SLC16A10: variants seen among roughly 807,000 people sequenced by gnomAD.
SLC16A10 encodes solute carrier family 16 member 10.
Under a neutral mutation model 40.0 loss-of-function variants are expected in SLC16A10, and 27 were observed. That is an observed-to-expected ratio of 0.67 (90% CI 0.50 to 0.93). The LOEUF is 0.93. Ranked by LOEUF, SLC16A10 falls within the 40% of genes least tolerant of loss-of-function variation. The pLI is 0.00. For missense variants in SLC16A10, 529 were observed against 658.2 expected, an observed-to-expected ratio of 0.80 and a Z score of 2.15; for synonymous variants, 213 against 249.8, an observed-to-expected ratio of 0.85 and a Z score of 1.39.
intron 4 of SLC16A10, among the ~76,000 whole-genome samples, chr6:111,208,211 T>TC (rs1773286524): frequency 1.3e-5 from 2 of 152,226 alleles, no homozygotes; most frequent in South Asian, 4.1e-4. Context: ...ACTCCTGGAC[T>TC]CCAACGATCC....
chr6:111,102,843 C>T (rs530753290), intron 1 of SLC16A10, among the ~76,000 whole-genome samples: 7 of 152,174 alleles, frequency 4.6e-5, no homozygotes, highest in African/African-American at 9.6e-5. Flanking sequence ...GAGCTAATTC[C>T]GTTGAAAATA....
intron 3 of SLC16A10, among the ~76,000 whole-genome samples, chr6:111,182,343 G>T (rs558987939): frequency 1.0e-5 from 1 of 99,222 alleles, no homozygotes; most frequent in Non-Finnish European, 2.0e-5. Context: ...CCTTTTTAAC[G>T]GCTCCTCTGA....
intron 3 of SLC16A10, among the ~76,000 whole-genome samples, chr6:111,184,484 ATT>A (rs56663468): frequency 2.8e-5 from 4 of 143,238 alleles, no homozygotes; most frequent in Middle Eastern, 3.6e-3. Context: ...ATTGGAAATG[ATT>A]TTTTTTTTTT....
chr6:111,094,725 A>G (rs1771042931), intron 1 of SLC16A10, among the ~76,000 whole-genome samples: 1 of 152,040 alleles, frequency 6.6e-6, no homozygotes, highest in Admixed American at 6.6e-5. Context: ...GCAGCCTCAA[A>G]CTTCTAAGCT....
chr6:111,129,980 T>C (rs1256199531), intron 1 of SLC16A10, among the ~76,000 whole-genome samples: 1 of 152,156 alleles, frequency 6.6e-6, no homozygotes, highest in Admixed American at 6.6e-5. Flanking sequence ...CCTGAGAAAA[T>C]AATTTATACA....
intron 3 of SLC16A10, among the ~76,000 whole-genome samples, chr6:111,203,751 T>TAAATAAAAAAAA (rs1554261471): frequency 1.4e-5 from 2 of 147,778 alleles, no homozygotes; most frequent in Middle Eastern, 3.5e-3. Flanking sequence ...AATAAATAAA[T>TAAATAAAAAAAA]AAAATAATGC....
chr6:111,155,022 CAAAAAA>C (rs397888706), intron 1 of SLC16A10, among the ~76,000 whole-genome samples: 5 of 53,454 alleles, frequency 9.4e-5, no homozygotes, highest in African/African-American at 3.5e-4. Flanking sequence ...GACTCCATCT[CAAAAAA>C]AAAAAAAAAA....
At chr6:111,105,723 T>C (rs1191080206) in intron 1 of SLC16A10, among the ~76,000 whole-genome samples, 1 of 152,210 alleles carries the variant, frequency 6.6e-6, no homozygotes, top group East Asian at 1.9e-4. Flanking sequence ...AGTGAGCAGG[T>C]TGGCACGGTG....
chr6:111,111,619 A>G (rs1583308275), intron 1 of SLC16A10, among the ~76,000 whole-genome samples: 2 of 152,080 alleles, frequency 1.3e-5, no homozygotes, highest in East Asian at 3.8e-4. Flanking sequence ...TTCCTACCTA[A>G]TTGTCGTTAT....
At chr6:111,203,745 A>AATAT in intron 3 of SLC16A10, among the ~76,000 whole-genome samples, 1 of 150,854 alleles carries the variant, frequency 6.6e-6, no homozygotes, top group African/African-American at 2.4e-5. Context: ...TAAATAAATA[A>AATAT]ATAAATAAAA....
intron 1 of SLC16A10, among the ~76,000 whole-genome samples, chr6:111,115,315 G>A (rs373988410): frequency 6.6e-6 from 1 of 152,176 alleles, no homozygotes; most frequent in African/African-American, 2.4e-5. Context: ...TGTTCAAGCA[G>A]TTCTCTGCCT....
At chr6:111,132,300 C>T (rs1384903999) in intron 1 of SLC16A10, among the ~76,000 whole-genome samples, 4 of 152,022 alleles carry the variant, frequency 2.6e-5, no homozygotes, top group Non-Finnish European at 5.9e-5. Context: ...AATAGTGTGC[C>T]CTATTCCTTT....
chr6:111,163,657 A>G (rs1166910094), intron 1 of SLC16A10, among the ~76,000 whole-genome samples: 1 of 152,212 alleles, frequency 6.6e-6, no homozygotes, highest in East Asian at 1.9e-4. Flanking sequence ...AGCCCTCTGT[A>G]GTATTCAAAA....
chr6:111,115,297 G>C (rs547257403), intron 1 of SLC16A10, among the ~76,000 whole-genome samples: 1 of 152,288 alleles, frequency 6.6e-6, no homozygotes, highest in Non-Finnish European at 1.5e-5. Flanking sequence ...TGCAACCTCT[G>C]CCTCCTGTGT....
At chr6:111,110,702 T>C (rs970717830) in intron 1 of SLC16A10, among the ~76,000 whole-genome samples, 1 of 152,154 alleles carries the variant, frequency 6.6e-6, no homozygotes, top group Non-Finnish European at 1.5e-5. Context: ...CCGATGAAGA[T>C]TAGAAACCAT....
chr6:111,192,300 A>T (rs1773007912), intron 3 of SLC16A10, among the ~76,000 whole-genome samples: 1 of 152,208 alleles, frequency 6.6e-6, no homozygotes. Context: ...AAATGCCACC[A>T]GTCTCTTTGT....
chr6:111,195,480 T>C (rs150280335), intron 3 of SLC16A10, among the ~76,000 whole-genome samples: 196 of 152,294 alleles, frequency 1.3e-3, no homozygotes, highest in African/African-American at 4.4e-3. Context: ...CTTAAAATGG[T>C]TAAAATGGCA....
intron 3 of SLC16A10, among the ~76,000 whole-genome samples, chr6:111,202,453 G>A (rs1773183348): frequency 6.6e-6 from 1 of 152,128 alleles, no homozygotes; most frequent in Non-Finnish European, 1.5e-5. Flanking sequence ...ACTCAAGCCT[G>A]GGCAACAGAG....
At chr6:111,159,125 T>C (rs1290365272) in intron 1 of SLC16A10, among the ~76,000 whole-genome samples, 1 of 141,256 alleles carries the variant, frequency 7.1e-6, no homozygotes, top group African/African-American at 2.6e-5. Context: ...CCAGCTGTGG[T>C]CCCGTGTACA....
Sources: allele counts gnomAD v4.1 joint callset (sites outside exome capture counted in the v4.1 genomes callset), GRCh38; gene constraint gnomAD v4.1.1; transcripts MANE v1.5; gene names NCBI Gene and HGNC (gene_info 2026-07-23, HGNC 2026-07-21).